Variants in NRK observed in about 807,000 individuals in gnomAD.
NRK encodes the protein Nik related kinase.
NRK carries 67 observed loss-of-function variants against 125.2 expected under a neutral mutation model. That is an observed-to-expected ratio of 0.54 (90% CI 0.44 to 0.66). The LOEUF (loss-of-function observed/expected upper bound fraction) is 0.66. Among genes scored for constraint, NRK ranks in the 30% least tolerant of loss-of-function variants. NRK has a pLI of 0.00. For synonymous variants in NRK, 458 were observed against 429.0 expected (o/e 1.07, Z -0.84); for missense variants, 1,224 against 1,192.9 (o/e 1.03, Z -0.38).
chrX:105,882,260 G>A (rs1037891257), intron 4 of NRK, among the ~76,000 whole-genome samples: 3 of 103,380 alleles, frequency 2.9e-5, no homozygotes, highest in South Asian at 8.4e-4. Flanking sequence ...CCACCCCCCC[G>A]CTTTTTGTAA....
chrX:105,910,479 G>C (rs1414845330), intron 13 of NRK, among the ~76,000 whole-genome samples: 1 of 112,312 alleles, frequency 8.9e-6, no homozygotes, highest in Non-Finnish European at 1.9e-5. Context: ...CAATTATGTG[G>C]CCTCACAGAA....
At chrX:105,862,945 TTTAGTCA>T (rs2039620607) in intron 2 of NRK, among the ~76,000 whole-genome samples, 1 of 112,265 alleles carries the variant, frequency 8.9e-6, no homozygotes, top group South Asian at 3.7e-4. Context: ...GAATTAAGAT[TTTAGTCA>T]CTAAAAAGTT....
At chrX:105,840,381 ATATAT>A (rs1170656055) in intron 2 of NRK, among the ~76,000 whole-genome samples, 1 of 112,054 alleles carries the variant, frequency 8.9e-6, no homozygotes, top group East Asian at 2.8e-4. Context: ...GTAACACAAA[ATATAT>A]TATGTCATTT....
chrX:105,874,654 T>G (rs2039790398), intron 2 of NRK, among the ~76,000 whole-genome samples: 1 of 111,969 alleles, frequency 8.9e-6, no homozygotes, highest in African/African-American at 3.2e-5. Flanking sequence ...ATATACCTCT[T>G]AACAATGCCC....
intron 27 of NRK, among the ~76,000 whole-genome samples, chrX:105,950,527 A>AGCAGT (rs1485095728): frequency 1.3e-5 from 1 of 77,981 alleles, no homozygotes; most frequent in Non-Finnish European, 2.5e-5. Context: ...AAAAGGCAGC[A>AGCAGT]GTGTGTGTGT....
chrX:105,879,328 C>A, intron 2 of NRK, among the ~76,000 whole-genome samples: 1 of 110,660 alleles, frequency 9.0e-6, no homozygotes. Context: ...CAGATCAAAC[C>A]TTCTGCTGAG....
At chrX:105,866,729 T>C (rs2039676348) in intron 2 of NRK, among the ~76,000 whole-genome samples, 1 of 112,421 alleles carries the variant, frequency 8.9e-6, no homozygotes, top group East Asian at 2.8e-4. Context: ...ATTAATACTT[T>C]TGATTAAAGA....
At chrX:105,920,326 G>C (rs1287102877) in intron 16 of NRK, among the ~76,000 whole-genome samples, 1 of 106,661 alleles carries the variant, frequency 9.4e-6, no homozygotes, top group Non-Finnish European at 1.9e-5. Context: ...GTGAGGTAGT[G>C]TGATGCCTCC....
Position 105,909,910 on chromosome X carries a change from A to C in NRK, c.2241+28A>C, listed in dbSNP as rs2040276676. 4 of 1,081,783 alleles carry C rather than the reference A, an allele frequency of 3.7e-6. No individual in the cohort carries two copies. In the East Asian group the frequency reaches 1.3e-4, roughly 36 times the overall value. 89.2% of individuals were successfully genotyped at this position (1,081,783 alleles called of 1,213,427 possible). The stretch of plus-strand genomic sequence containing the variant: ...AAGAATTTTTGATATTTTTACTCTG[A>C]GTCAAAAATGAAGAGAAAATGTGAT... On this transcript the variant is annotated intron_variant, in intron 13 of 28. Coordinates refer to ENST00000243300, the MANE Select transcript of NRK (RefSeq NM_198465.4).
chrX:105,890,232 C>T (rs2040000177), intron 5 of NRK, among the ~76,000 whole-genome samples: 1 of 111,759 alleles, frequency 8.9e-6, no homozygotes, highest in Admixed American at 9.5e-5. Flanking sequence ...CAACAAATTT[C>T]TCATCTCCAT....
chrX:105,859,565 G>T (rs1484638609), intron 2 of NRK, among the ~76,000 whole-genome samples: 1 of 112,019 alleles, frequency 8.9e-6, no homozygotes, highest in East Asian at 2.8e-4. Flanking sequence ...ATAATATGCT[G>T]CTTGAACCTA....
chrX:105,905,134 G>A, intron 9 of NRK, 131 bp from the exon 10 acceptor site: 1 of 452,190 alleles, frequency 2.2e-6, no homozygotes, highest in Non-Finnish European at 3.8e-6. Flanking sequence ...ACATTCTTTT[G>A]TATCTATTTG....
chrX:105,842,397 T>C (rs1298194595), intron 2 of NRK, among the ~76,000 whole-genome samples: 1 of 111,600 alleles, frequency 9.0e-6, no homozygotes, highest in Non-Finnish European at 1.9e-5. Flanking sequence ...CTTCACTCTC[T>C]TCTTGTGGGC....
At chrX:105,904,310 A>T (rs753438725) in intron 9 of NRK, among the ~76,000 whole-genome samples, 2 of 111,765 alleles carry the variant, frequency 1.8e-5, no homozygotes, top group Non-Finnish European at 3.8e-5. Context: ...AAAAAACCAA[A>T]TTTCCCAAAC....
At chrX:105,947,998 C>T (rs1276927991) in intron 26 of NRK, among the ~76,000 whole-genome samples, 1 of 111,700 alleles carries the variant, frequency 9.0e-6, no homozygotes, top group African/African-American at 3.3e-5. Context: ...GCCACTTAAA[C>T]GTGAGGTCAA....
intron 1 of NRK, among the ~76,000 whole-genome samples, chrX:105,829,685 G>A (rs1044463985): frequency 1.8e-5 from 2 of 111,672 alleles, no homozygotes; most frequent in Non-Finnish European, 3.8e-5. Flanking sequence ...CCCAAAACAT[G>A]TTATGTTTTG....
chrX:105,826,038 GTCTC>G (rs200199183), intron 1 of NRK, among the ~76,000 whole-genome samples: 2 of 93,485 alleles, frequency 2.1e-5, no homozygotes, highest in African/African-American at 4.0e-5. Flanking sequence ...CTCTGTCTCC[GTCTC>G]TCTCTCTCTC....
Position 105,949,571 on chromosome X carries a change from C to G in NRK, c.4354-4C>G. 8.5e-7 allele frequency: 1 copy of G among 1,181,652 alleles called. No individual in the cohort carries two copies. The highest frequency in any genetic ancestry group is 1.8e-5 in the South Asian group (1 of 54,727). ...ATATAAATCTTTATGAAACATAATT[C>G]CAGCCCCTGGAAATCATTATACCAC... On this transcript the variant is annotated splice_region_variant and splice_polypyrimidine_tract_variant and intron_variant, in intron 26 of 28. Coordinates refer to ENST00000243300, the MANE Select transcript of NRK (RefSeq NM_198465.4).
chrX:105,847,999 G>T (rs1409442324), intron 2 of NRK, among the ~76,000 whole-genome samples: 6 of 111,981 alleles, frequency 5.4e-5, no homozygotes, highest in Non-Finnish European at 5.6e-5. Context: ...TTATCAATAT[G>T]GAGACCAGTA....
Sources: allele counts gnomAD v4.1 joint callset (sites outside exome capture counted in the v4.1 genomes callset), GRCh38; gene constraint gnomAD v4.1.1; transcripts MANE v1.5; gene names NCBI Gene and HGNC (gene_info 2026-07-23, HGNC 2026-07-21).